SEMA3C: variants seen among roughly 807,000 people sequenced by gnomAD.
SEMA3C encodes semaphorin 3C.
In SEMA3C, 47 loss-of-function variants were observed where a neutral mutation model predicts 89.4. The observed-to-expected ratio is 0.53, with a 90% CI of 0.42 to 0.67. The LOEUF (loss-of-function observed/expected upper bound fraction) is 0.67. SEMA3C is among the 30% of genes least tolerant of loss of function. The pLI, the probability that SEMA3C is intolerant of heterozygous loss-of-function variation, is 0.00. For synonymous variants in SEMA3C, 310 were observed against 320.2 expected, an observed-to-expected ratio of 0.97 and a Z score of 0.34; for missense variants, 839 against 929.1, an observed-to-expected ratio of 0.90 and a Z score of 1.26.
chr7:80,782,760 C>G (rs911871940), intron 12 of SEMA3C, among the ~76,000 whole-genome samples: 4 of 152,124 alleles, frequency 2.6e-5, no homozygotes, highest in Non-Finnish European at 4.4e-5. Flanking sequence ...AAGGATACAG[C>G]AATAAATCAA....
chr7:80,862,495 T>C (rs1391657188), intron 2 of SEMA3C, among the ~76,000 whole-genome samples: 1 of 152,120 alleles, frequency 6.6e-6, no homozygotes, highest in Non-Finnish European at 1.5e-5. Flanking sequence ...AGAATCAATA[T>C]TGTGAAAATG....
chr7:80,761,991 A>G (rs948350382), intron 13 of SEMA3C, among the ~76,000 whole-genome samples: 1 of 150,094 alleles, frequency 6.7e-6, no homozygotes, highest in Admixed American at 6.7e-5. Flanking sequence ...CAGGAGGCTG[A>G]GGCAGGAGAA....
chr7:80,865,548 G>A (rs758202331), intron 2 of SEMA3C, among the ~76,000 whole-genome samples: 107 of 152,094 alleles, frequency 7.0e-4, no homozygotes, highest in Non-Finnish European at 1.3e-3. Flanking sequence ...AGCACTTTGG[G>A]AGGCCAAGGC....
chr7:80,770,811 T>C (rs897375792), intron 12 of SEMA3C, among the ~76,000 whole-genome samples: 4 of 152,220 alleles, frequency 2.6e-5, no homozygotes, highest in Admixed American at 2.0e-4. Flanking sequence ...TTCCTGGGAA[T>C]GAGGTAAGTG....
chr7:80,846,365 G>A (rs1425796128), intron 2 of SEMA3C, among the ~76,000 whole-genome samples: 1 of 152,080 alleles, frequency 6.6e-6, no homozygotes, highest in African/African-American at 2.4e-5. Context: ...TTGTATGTTT[G>A]TTTGTTTTTG....
intron 15 of SEMA3C, among the ~76,000 whole-genome samples, chr7:80,752,101 C>CT (rs1787949169): frequency 6.6e-6 from 1 of 152,158 alleles, no homozygotes; most frequent in African/African-American, 2.4e-5. Context: ...CCCGTAAGTG[C>CT]TTTAGCATGT....
At chr7:80,809,758 T>C (rs1304534184) in intron 6 of SEMA3C, among the ~76,000 whole-genome samples, 1 of 152,174 alleles carries the variant, frequency 6.6e-6, no homozygotes, top group East Asian at 1.9e-4. Context: ...ATATACACGA[T>C]GGAATACTAT....
chr7:80,745,026 A>G lies in SEMA3C; in HGVS notation c.2124T>C (p.Tyr708=), dbSNP rs1949971. The change falls in exon 18 of 18, where the codon TAT becomes TAC. Residue 708 remains tyrosine (Y), a synonymous_variant. Transcript: ENST00000265361. The part of the protein sequence containing the change: ...SHSEMQMINQ[Y]CKDTRQQHQQ... ...GATGTTGCTGCCGAGTGTCTTTGCA[A>G]TATTGGTTAATCATCTGCATTTCTG... 1,582,508 of 1,614,054 alleles carry G rather than the reference A, an allele frequency of 0.98. 777,793 individuals are homozygous for G. The highest frequency in any genetic ancestry group is 1 in the East Asian group (44,868 of 44,868).
intron 4 of SEMA3C, among the ~76,000 whole-genome samples, chr7:80,823,627 T>TA (rs1470794091): frequency 2.0e-5 from 3 of 152,056 alleles, no homozygotes; most frequent in East Asian, 3.9e-4. Context: ...AGAAAATATA[T>TA]TTTTTAGGAG....
Position 80,743,591 on chromosome 7 carries a change from T to C in SEMA3C, c.*1303A>G, listed in dbSNP as rs1787730546. 1 of 151,904 alleles carries C rather than the reference T, an allele frequency of 6.6e-6. No homozygotes were observed. Among genetic ancestry groups the C allele is most frequent in the Non-Finnish European group, 1.5e-5 (1 of 67,828 alleles). 9.4% of individuals were successfully genotyped at this position (151,904 alleles called of 1,614,324 possible). A position where few individuals can be genotyped will look rare whatever the true frequency, so the allele number is the denominator to read the frequency against. On this transcript the variant is annotated 3_prime_UTR_variant, in exon 18 of 18. Coordinates refer to ENST00000265361, the MANE Select transcript of SEMA3C (RefSeq NM_006379.5). The stretch of plus-strand genomic sequence containing the variant: ...ATATATATGAGAGCATGAATAATTT[T>C]TTTCACATTTTTCCATCTAATTTTT...
At chr7:80,887,986 CTT>C (rs1302807299) in intron 2 of SEMA3C, among the ~76,000 whole-genome samples, 9 of 152,080 alleles carry the variant, frequency 5.9e-5, no homozygotes, top group Admixed American at 3.3e-4. Context: ...GAAAAGGTCT[CTT>C]ATTACATGTT....
intron 2 of SEMA3C, among the ~76,000 whole-genome samples, chr7:80,843,947 C>G (rs760806263): frequency 1.3e-5 from 2 of 152,090 alleles, no homozygotes; most frequent in African/African-American, 4.8e-5. Flanking sequence ...TATAAAGTGT[C>G]TAAGAAGAGT....
chr7:80,765,832 C>T (rs777219108), intron 12 of SEMA3C, among the ~76,000 whole-genome samples: 1 of 152,126 alleles, frequency 6.6e-6, no homozygotes, highest in Non-Finnish European at 1.5e-5. Context: ...CCACCTTGGC[C>T]TCCCAAAGTG....
chr7:80,831,518 A>G (rs78564854), intron 2 of SEMA3C, among the ~76,000 whole-genome samples: 2,054 of 152,280 alleles, frequency 0.013, 49 homozygotes, highest in African/African-American at 0.046. Flanking sequence ...AATGACTAGA[A>G]TGCCTAATTT....
At chr7:80,818,920 A>T (rs1789678038) in intron 4 of SEMA3C, among the ~76,000 whole-genome samples, 1 of 152,224 alleles carries the variant, frequency 6.6e-6, no homozygotes, top group Admixed American at 6.5e-5. Flanking sequence ...ACATTATTAC[A>T]GAAACAGTCA....
upstream of SEMA3C, chr7:80,919,383 C>T (rs779337202): frequency 4.8e-5 from 47 of 985,336 alleles, no homozygotes; most frequent in Middle Eastern, 5.2e-4. Flanking sequence ...TGGGTGCGCT[C>T]CACGGTTTTT....
At chr7:80,851,054 T>A (rs1024653350) in intron 2 of SEMA3C, among the ~76,000 whole-genome samples, 7 of 152,140 alleles carry the variant, frequency 4.6e-5, no homozygotes, top group African/African-American at 1.4e-4. Context: ...CCCTCTGTGG[T>A]CATGTTGTCT....
chr7:80,795,504 T>C (rs1056763582), intron 11 of SEMA3C, among the ~76,000 whole-genome samples: 13 of 152,196 alleles, frequency 8.5e-5, no homozygotes, highest in African/African-American at 3.1e-4. Context: ...TGTGTGTTGC[T>C]AACCCTGGCT....
At chr7:80,747,384 T>C (rs1787826561) in intron 17 of SEMA3C, among the ~76,000 whole-genome samples, 1 of 152,140 alleles carries the variant, frequency 6.6e-6, no homozygotes, top group South Asian at 2.1e-4. Context: ...TTCACTTATA[T>C]ATTATTCTAT....
Sources: allele counts gnomAD v4.1 joint callset (sites outside exome capture counted in the v4.1 genomes callset), GRCh38; gene constraint gnomAD v4.1.1; transcripts MANE v1.5; gene names NCBI Gene and HGNC (gene_info 2026-07-23, HGNC 2026-07-21).